Variants in LARGE1 observed in about 807,000 individuals in gnomAD.
LARGE1 encodes xylosyl- and glucuronyltransferase LARGE1.
A neutral mutation model predicts 87.6 loss-of-function variants in LARGE1; 43 were observed. That is an observed-to-expected ratio of 0.49 (90% CI 0.38 to 0.63). The LOEUF is 0.63. Among genes scored for constraint, LARGE1 ranks in the 30% least tolerant of loss-of-function variants. The pLI is 0.00. For missense variants in LARGE1, 802 were observed against 1,000.2 expected (o/e 0.80, Z 2.67); for synonymous variants, 434 against 394.6 (o/e 1.10, Z -1.18).
intron 1 of LARGE1, among the ~76,000 whole-genome samples, chr22:33,816,680 A>ATAGATAGT (rs1267516234): frequency 7.7e-6 from 1 of 129,414 alleles, no homozygotes; most frequent in Non-Finnish European, 1.6e-5. Context: ...GGATGGATAG[A>ATAGATAGT]TAGATAGATA....
At chr22:33,724,101 G>C (rs1002475077) in intron 2 of LARGE1, 30 of 153,292 alleles carry the variant, frequency 2.0e-4, no homozygotes, top group Non-Finnish European at 3.2e-4. Context: ...AGGCAGGCAG[G>C]ACGCCCAGTG....
intron 11 of LARGE1, among the ~76,000 whole-genome samples, chr22:33,231,358 G>C (rs1460484429): frequency 6.6e-6 from 1 of 152,118 alleles, no homozygotes; most frequent in East Asian, 1.9e-4. Flanking sequence ...CTGTAACCAG[G>C]GGTAAGATAT....
chr22:33,417,052 G>A (rs113739097), intron 7 of LARGE1, among the ~76,000 whole-genome samples: 84 of 151,802 alleles, frequency 5.5e-4, no homozygotes, highest in African/African-American at 1.8e-3. Flanking sequence ...GACTACAGGC[G>A]TGTGTCACCA....
intron 11 of LARGE1, among the ~76,000 whole-genome samples, chr22:33,312,421 A>G (rs182869421): frequency 1.4e-5 from 2 of 142,370 alleles, no homozygotes; most frequent in South Asian, 2.2e-4. Flanking sequence ...GCCTGGCGAC[A>G]CCGCAAGACT....
At chr22:33,268,978 A>C (rs9621672), downstream of LARGE1, among the ~76,000 whole-genome samples, 40,901 of 152,116 alleles carry the variant, frequency 0.27, 6,393 homozygotes, top group Non-Finnish European at 0.35. Context: ...GCATACAGAC[A>C]TATGCATAGC....
At chr22:33,481,192 A>G (rs1378726747) in intron 6 of LARGE1, among the ~76,000 whole-genome samples, 2 of 150,882 alleles carry the variant, frequency 1.3e-5, no homozygotes, top group Non-Finnish European at 2.9e-5. Flanking sequence ...TACATTTTTC[A>G]TACCTTTATT....
intron 2 of LARGE1, among the ~76,000 whole-genome samples, chr22:33,744,990 A>T (rs239335): frequency 5.3e-5 from 8 of 152,064 alleles, no homozygotes; most frequent in African/African-American, 1.9e-4. Flanking sequence ...CAAGTGCTTT[A>T]GAGCAGCACA....
intron 11 of LARGE1, among the ~76,000 whole-genome samples, chr22:33,169,371 G>T (rs899598792): frequency 6.6e-6 from 1 of 152,014 alleles, no homozygotes; most frequent in Non-Finnish European, 1.5e-5. Flanking sequence ...GCTTGATGTG[G>T]GTTGCAACTA....
chr22:33,692,276 C>T (rs1034775135), intron 2 of LARGE1, among the ~76,000 whole-genome samples: 3 of 152,004 alleles, frequency 2.0e-5, no homozygotes, highest in Non-Finnish European at 2.9e-5. Flanking sequence ...GCTATGCATG[C>T]AGTAACACGG....
rs1353308129 is a variant in LARGE1, at chr22:33,842,132, A to C, written c.-83+77863T>G. Among the ~76,000 whole-genome samples, 6 of 152,238 alleles carry C rather than the reference A, an allele frequency of 3.9e-5. 1 individual carries two copies. In the East Asian group the frequency reaches 1.2e-3, roughly 29 times the overall value. ...ATGGTTCCTTACCATCTAGAAAGTCAGAACACTGTACTCAAAAGTAAAATC... is the reference window on the plus strand; with the variant it reads ...ATGGTTCCTTACCATCTAGAAAGTCCGAACACTGTACTCAAAAGTAAAATC... On this transcript the variant is annotated intron_variant, in intron 1 of 14. Transcript: ENST00000397394.
chr22:33,743,878 A>G (rs997708621), intron 2 of LARGE1: 1 of 152,256 alleles, frequency 6.6e-6, no homozygotes, highest in Non-Finnish European at 1.5e-5. Flanking sequence ...AGATAACGTT[A>G]GCCCAGCTTG....
intron 6 of LARGE1, among the ~76,000 whole-genome samples, chr22:33,561,197 T>C (rs1269940337): frequency 3.3e-5 from 5 of 152,232 alleles, no homozygotes; most frequent in African/African-American, 1.2e-4. Context: ...CCCTCTGTTT[T>C]ACAAACACTC....
chr22:33,461,898 G>A (rs1464129645), intron 6 of LARGE1, among the ~76,000 whole-genome samples: 1 of 152,096 alleles, frequency 6.6e-6, no homozygotes, highest in African/African-American at 2.4e-5. Context: ...ACTTGAATGA[G>A]TCACCTTAGA....
exon 12 of LARGE1, chr22:33,163,063 C>T (rs1432500839): frequency 1.3e-5 from 2 of 152,188 alleles, no homozygotes; most frequent in African/African-American, 4.8e-5. Flanking sequence ...GGGTGTCTGT[C>T]ATTCCATGAA....
intron 2 of LARGE1, among the ~76,000 whole-genome samples, chr22:33,654,393 C>T (rs559577026): frequency 1.8e-4 from 27 of 152,304 alleles, no homozygotes; most frequent in Non-Finnish European, 2.6e-4. Context: ...AGATGTGCTC[C>T]GAGTCCCCTC....
chr22:33,566,377 C>G lies in LARGE1; in HGVS notation c.616-1358G>C, dbSNP rs118136748. On this transcript the variant is annotated intron_variant, in intron 5 of 14. Coordinates refer to ENST00000397394, the MANE Select transcript of LARGE1 (RefSeq NM_133642.5). ...TAAAACTGCTTTTACTTAAAAACAA[C>G]TACGTGTAATCAAACCAAATGAAAC... is the stretch of plus-strand genomic sequence containing the variant. Among the ~76,000 whole-genome samples, 10 of 152,310 alleles carry G rather than the reference C, an allele frequency of 6.6e-5. No homozygotes were observed. In the East Asian group the frequency reaches 1.9e-3, roughly 29 times the overall value.
chr22:33,466,389 C>CTCTG (rs1179925645), intron 6 of LARGE1, among the ~76,000 whole-genome samples: 4 of 151,200 alleles, frequency 2.6e-5, no homozygotes, highest in African/African-American at 9.8e-5. Context: ...CTCTCTCTCT[C>CTCTG]TCTGTCATAC....
chr22:33,774,612 C>G (rs2085177306), intron 1 of LARGE1, among the ~76,000 whole-genome samples: 1 of 152,224 alleles, frequency 6.6e-6, no homozygotes, highest in East Asian at 1.9e-4. Context: ...TCCCCCTTGG[C>G]CTCCCAAAGT....
intron 7 of LARGE1, among the ~76,000 whole-genome samples, chr22:33,391,498 G>A (rs940808177): frequency 3.3e-5 from 5 of 152,062 alleles, no homozygotes; most frequent in African/African-American, 1.2e-4. Context: ...GGTTATATAA[G>A]TGAGAGACAG....
Sources: gnomAD v4.1 joint callset for allele counts (sites outside exome capture counted in the v4.1 genomes callset) on GRCh38, gnomAD v4.1.1 for gene constraint, MANE v1.5 for transcripts, NCBI Gene and HGNC (gene_info 2026-07-23, HGNC 2026-07-21) for gene names.